ZNF138: variants seen among roughly 807,000 people sequenced by gnomAD.
ZNF138 encodes zinc finger protein 138, also known as zinc finger protein 138 (clone pHZ-32).
Under a neutral mutation model 33.0 loss-of-function variants are expected in ZNF138, and 33 were observed. The ratio of observed to expected loss-of-function variants is 1.00; its 90% CI spans 0.76 to 1.34. The LOEUF (loss-of-function observed/expected upper bound fraction) is 1.34. Among genes scored for constraint, ZNF138 ranks in the 40% most tolerant of loss-of-function variants. The pLI, the probability that ZNF138 is intolerant of heterozygous loss-of-function variation, is 0.00. For synonymous variants in ZNF138, 139 were observed against 120.4 expected (o/e 1.15, Z -1.01); for missense variants, 360 against 370.8 (o/e 0.97, Z 0.24).
At chr7:64,810,764 A>T (rs1050343091) in intron 1 of ZNF138, among the ~76,000 whole-genome samples, 2 of 152,138 alleles carry the variant, frequency 1.3e-5, no homozygotes, top group African/African-American at 4.8e-5. Context: ...TGGAGGCCTT[A>T]TTTAGGTCTG....
chr7:64,819,105 C>T (rs1042292408), intron 3 of ZNF138, among the ~76,000 whole-genome samples: 1 of 152,000 alleles, frequency 6.6e-6, no homozygotes, highest in Non-Finnish European at 1.5e-5. Flanking sequence ...CACTTTAAGT[C>T]AATGTGGGGT....
the ZNF138 span, among the ~76,000 whole-genome samples, chr7:64,858,489 A>G: frequency 2.0e-5 from 3 of 152,248 alleles, no homozygotes; most frequent in Non-Finnish European, 1.5e-5. Flanking sequence ...CTGAAATGTC[A>G]GTATACAATC....
Position 64,831,622 on chromosome 7 carries a change from T to C in ZNF138, c.380T>C (p.Leu127Pro), listed in dbSNP as rs1361664344. 3 of 1,609,992 alleles carry C rather than the reference T, an allele frequency of 1.9e-6. No homozygotes were observed. The highest frequency in any genetic ancestry group is 1.7e-6 in the Non-Finnish European group (2 of 1,178,538). Reference sequence around the variant, plus strand: ...GGACACCAAGGAGGTTTTAATGGACTTAACCAATGTTTGAAAATTACCACA... The same window carrying C: ...GGACACCAAGGAGGTTTTAATGGACCTAACCAATGTTTGAAAATTACCACA... ...CKGHQGGFNG[L>P]NQCLKITTSK... The change falls in exon 4 of 4, where the codon CTT becomes CCT. Residue 127 changes from leucine (L) to proline (P), a missense_variant. By Grantham distance (98) the Leu-to-Pro change is moderately conservative (BLOSUM62 -3). Transcript: ENST00000307355.
At chr7:64,839,771 TG>T in the ZNF138 span, among the ~76,000 whole-genome samples, 1 of 151,922 alleles carries the variant, frequency 6.6e-6, no homozygotes, top group Non-Finnish European at 1.5e-5. Context: ...CCCGAGCCTC[TG>T]GGGGGCTTAG....
At chr7:64,828,017 T>G (rs1789781913) in intron 3 of ZNF138, among the ~76,000 whole-genome samples, 1 of 152,150 alleles carries the variant, frequency 6.6e-6, no homozygotes, top group African/African-American at 2.4e-5. Flanking sequence ...TTATAACTTA[T>G]TTATTTGTGG....
At chr7:64,827,854 C>T (rs1789765138) in intron 3 of ZNF138, among the ~76,000 whole-genome samples, 1 of 151,642 alleles carries the variant, frequency 6.6e-6, no homozygotes, top group African/African-American at 2.4e-5. Flanking sequence ...TGCCACCTCA[C>T]ACCAATCAGT....
intron 1 of ZNF138, among the ~76,000 whole-genome samples, chr7:64,808,587 T>C (rs77673018): frequency 6.0e-5 from 4 of 66,364 alleles, no homozygotes; most frequent in Admixed American, 1.5e-4. Flanking sequence ...TCTGTTTCTT[T>C]TTTTTTTAAA....
chr7:64,807,249 A>G (rs1370475222), intron 1 of ZNF138, among the ~76,000 whole-genome samples: 1 of 152,094 alleles, frequency 6.6e-6, no homozygotes, highest in East Asian at 1.9e-4. Flanking sequence ...TCATGCCTCT[A>G]TATTTCTGTG....
the ZNF138 span, among the ~76,000 whole-genome samples, chr7:64,840,056 G>A: frequency 2.0e-5 from 3 of 152,076 alleles, no homozygotes; most frequent in Non-Finnish European, 4.4e-5. Flanking sequence ...GGGCATGCGC[G>A]TTAGTCGGGG....
chr7:64,817,209 A>G (rs1788712934), intron 3 of ZNF138, among the ~76,000 whole-genome samples: 2 of 152,212 alleles, frequency 1.3e-5, no homozygotes, highest in African/African-American at 2.4e-5. Flanking sequence ...TTCAGGGACC[A>G]CAGTAAAGGG....
At chr7:64,828,931 A>G (rs1344529675) in intron 3 of ZNF138, among the ~76,000 whole-genome samples, 2 of 152,236 alleles carry the variant, frequency 1.3e-5, no homozygotes, top group African/African-American at 4.8e-5. Context: ...CAGTATGGAT[A>G]TATTTACAAC....
rs1788467137 is a variant in ZNF138 at position 64,814,752 on chromosome 7, G to C, written c.4-166G>C. On this transcript the variant is annotated intron_variant, in intron 1 of 3. Coordinates refer to ENST00000307355, the MANE Select transcript of ZNF138 (RefSeq NM_001271639.2). Reference sequence around the variant, plus strand: ...CACTCCAGCGTGGGCAACAGAGTGAGACTCTGTCTCAAAAAAAAAAAATTA... The same window carrying C: ...CACTCCAGCGTGGGCAACAGAGTGACACTCTGTCTCAAAAAAAAAAAATTA... 3.4e-5 allele frequency among the ~76,000 whole-genome samples: 5 copies of C among 147,654 alleles called. No homozygotes were observed. The South Asian group carries it at 1.1e-3, about 32-fold the overall frequency.
At chr7:64,841,400 T>A in the ZNF138 span, among the ~76,000 whole-genome samples, 5 of 152,224 alleles carry the variant, frequency 3.3e-5, no homozygotes, top group African/African-American at 9.6e-5. Context: ...TGATGTTTTT[T>A]AATATATAAA....
At chr7:64,817,321 T>C (rs1470772815) in intron 3 of ZNF138, among the ~76,000 whole-genome samples, 1 of 152,136 alleles carries the variant, frequency 6.6e-6, no homozygotes, top group African/African-American at 2.4e-5. Flanking sequence ...GGGAGGAGTT[T>C]GGGATGGTTA....
At chr7:64,852,958 G>C in the ZNF138 span, 1 of 1,331,074 alleles carries the variant, frequency 7.5e-7, no homozygotes, top group Non-Finnish European at 1.1e-6. Flanking sequence ...CCATTTCCCT[G>C]TTGGTCATTT....
At chr7:64,796,900 A>G (rs1023340330) in intron 1 of ZNF138, among the ~76,000 whole-genome samples, 70 of 152,298 alleles carry the variant, frequency 4.6e-4, no homozygotes, top group African/African-American at 1.6e-3. Context: ...AAAATTAGAA[A>G]TTAGCCATGA....
chr7:64,825,826 C>A (rs999258725), intron 3 of ZNF138, among the ~76,000 whole-genome samples: 1 of 151,806 alleles, frequency 6.6e-6, no homozygotes, highest in Non-Finnish European at 1.5e-5. Flanking sequence ...CATGAGCCCC[C>A]GCGCCTGGCC....
intron 3 of ZNF138, among the ~76,000 whole-genome samples, chr7:64,818,299 T>C (rs961046973): frequency 8.5e-5 from 13 of 152,146 alleles, no homozygotes. Context: ...ATATTTCTTT[T>C]ATATAAGCAG....
At chr7:64,796,724 T>C (rs75819676) in intron 1 of ZNF138, among the ~76,000 whole-genome samples, 2,184 of 152,322 alleles carry the variant, frequency 0.014, 52 homozygotes, top group African/African-American at 0.05. Context: ...GGGAAAATAC[T>C]TCTTCCATTT....
Sources: allele counts gnomAD v4.1 joint callset (sites outside exome capture counted in the v4.1 genomes callset), GRCh38; gene constraint gnomAD v4.1.1; transcripts MANE v1.5; gene names NCBI Gene and HGNC (gene_info 2026-07-23, HGNC 2026-07-21).